The following UNC13A variants were observed in gnomAD, a reference collection of about 807,000 sequenced individuals.
UNC13A encodes protein unc-13 homolog A.
Under a neutral mutation model 219.7 loss-of-function variants are expected in UNC13A, and 61 were observed. The ratio of observed to expected loss-of-function variants is 0.28; its 90% CI spans 0.23 to 0.34. The LOEUF (loss-of-function observed/expected upper bound fraction) is 0.34. Ranked by LOEUF, UNC13A falls within the 10% of genes least tolerant of loss-of-function variation. UNC13A has a pLI of 1.00. For synonymous variants in UNC13A, 920 were observed against 884.6 expected (o/e 1.04, Z -0.71); for missense variants, 1,476 against 2,270.3 (o/e 0.65, Z 7.11).
chr19:17,642,404 A>G (rs762834100), intron 20 of UNC13A, among the ~76,000 whole-genome samples: 6 of 152,084 alleles, frequency 3.9e-5, no homozygotes, highest in Non-Finnish European at 8.8e-5. Flanking sequence ...CTATCCATCC[A>G]TGTACTCACC....
At chr19:17,626,353 C>T (rs1412646735) in intron 34 of UNC13A, 1 of 375,734 alleles carries the variant, frequency 2.7e-6, no homozygotes, top group Non-Finnish European at 4.9e-6. Context: ...TCCTTCTAAA[C>T]ATTTATCTTT....
intron 21 of UNC13A, among the ~76,000 whole-genome samples, 172 bp downstream of exon 21, chr19:17,641,221 C>G (rs1296575650): frequency 6.6e-6 from 1 of 152,022 alleles, no homozygotes; most frequent in East Asian, 1.9e-4. Context: ...CCATGTCACT[C>G]CAGGTGTCAA....
At position 17,656,393 on chromosome 19, in the gene UNC13A, G is replaced by A. The variant is rs1199825333; in HGVS notation, c.773C>T (p.Thr258Met). The change falls in exon 10 of 44, where the codon ACG becomes ATG. Residue 258 changes from threonine to methionine, a missense_variant. Around this residue, in one of 14 missense-constraint regions of UNC13A, gnomAD observed 351 missense variants for 342.6 expected, o/e 1.02. Transcript: ENST00000519716. Reference protein sequence around the residue: ...EFSEPQALSPTGSSRYASSGE... With the variant: ...EFSEPQALSPMGSSRYASSGE... ...GGAAGAGGCATAGCGGCTGCTACCC[G>A]TGGGGCTGTGGGGATGGAACAGGGT... 14 of 1,519,912 alleles carry A rather than the reference G, an allele frequency of 9.2e-6. No homozygotes were observed. The highest frequency in any genetic ancestry group is 6.0e-5 in the Admixed American group (3 of 49,630). 94.2% of individuals were successfully genotyped at this position (1,519,912 alleles called of 1,614,324 possible).
At position 17,642,828 on chromosome 19, in the gene UNC13A, C is replaced by G. The variant is rs368381522; in HGVS notation, c.2472+17G>C. On this transcript the variant is annotated intron_variant, in intron 20 of 43. Coordinates refer to ENST00000519716, the MANE Select transcript of UNC13A (RefSeq NM_001080421.3). ...TGAGTGGAAGTGGCATGGGAGGGGC[C>G]GAGCAATGACCCTCACCTCATGCAG... 5.0e-6 allele frequency: 8 copies of G among 1,589,116 alleles called. No individual in the cohort carries two copies. In the Admixed American group the frequency reaches 1.2e-4, roughly 25 times the overall value.
intron 15 of UNC13A, 131 bp from the exon 16 acceptor site, chr19:17,648,781 C>G: frequency 6.7e-7 from 1 of 1,486,134 alleles, no homozygotes; most frequent in Non-Finnish European, 9.2e-7. Context: ...TCGGAATCCA[C>G]GCTGCCTTCT....
chr19:17,636,190 G>A (rs1292062888), intron 25 of UNC13A, 33 bp from the exon 26 acceptor site: 1 of 1,553,592 alleles, frequency 6.4e-7, no homozygotes, highest in East Asian at 2.3e-5. Context: ...CGGTTATAGG[G>A]GGTCCAGAGG....
rs750542316 is a variant in UNC13A at position 17,630,329 on chromosome 19, A to AC, written c.3526-42dup. ...GGCCAAGAGGAAGGAGGAGATCAGC[A>AC]CCAGAGAATCCCTAGAGCCCAACTC... On this transcript the variant is annotated intron_variant, in intron 29 of 43. Transcript: ENST00000519716. 5.2e-6 allele frequency: 8 copies of AC among 1,552,000 alleles called. No individual in the cohort carries two copies. The Admixed American group carries it at 1.6e-4, about 30-fold the overall frequency.
At chr19:17,623,235 T>C (rs1198569699) in intron 36 of UNC13A, 3 of 395,744 alleles carry the variant, frequency 7.6e-6, no homozygotes, top group Non-Finnish European at 9.1e-6. Context: ...GGGAGCAAGG[T>C]TGGATTCTAC....
At chr19:17,666,209 T>TTC (rs1313263760) in intron 7 of UNC13A, among the ~76,000 whole-genome samples, 10 of 147,942 alleles carry the variant, frequency 6.8e-5, no homozygotes, top group Non-Finnish European at 1.4e-4. Context: ...TTCTTTCTCT[T>TTC]TCTTTCCTTC....
At chr19:17,654,333 T>C (rs1199001521) in intron 11 of UNC13A, among the ~76,000 whole-genome samples, 1 of 152,190 alleles carries the variant, frequency 6.6e-6, no homozygotes, top group Non-Finnish European at 1.5e-5. Flanking sequence ...CTAGTGGAAG[T>C]TATCCAACAG....
chr19:17,651,414 C>T (rs1047741255), intron 12 of UNC13A, among the ~76,000 whole-genome samples: 2 of 151,538 alleles, frequency 1.3e-5, no homozygotes, highest in East Asian at 1.9e-4. Context: ...TTAGTAGAGA[C>T]GGGATTTTGC....
In UNC13A at chr19:17,618,507, T is replaced by C. The variant is rs770501334; in HGVS notation, c.4330-6A>G. Reference sequence around the variant, plus strand: ...TCTTCTCGTACCATGTGATCCTGGATGGATGGGGAGAGGGGCCATGTGGGT... The same window carrying C: ...TCTTCTCGTACCATGTGATCCTGGACGGATGGGGAGAGGGGCCATGTGGGT... On this transcript the variant is annotated splice_region_variant and splice_polypyrimidine_tract_variant and intron_variant, in intron 39 of 43. Coordinates refer to ENST00000519716, the MANE Select transcript of UNC13A (RefSeq NM_001080421.3). 1 of 1,584,986 alleles carries C rather than the reference T, an allele frequency of 6.3e-7. No individual in the cohort carries two copies. The highest frequency in any genetic ancestry group is 1.3e-5 in the African/African-American group (1 of 74,376).
At chr19:17,663,494 A>T in intron 8 of UNC13A, 38 bp downstream of exon 8, 1 of 1,610,372 alleles carries the variant, frequency 6.2e-7, no homozygotes, top group Non-Finnish European at 8.5e-7. Flanking sequence ...CCACCTTCCC[A>T]TGTAACTCCC....
chr19:17,629,112 C>T (rs2076814994), intron 31 of UNC13A, 128 bp downstream of exon 31: 1 of 751,126 alleles, frequency 1.3e-6, no homozygotes, highest in Non-Finnish European at 2.2e-6. Context: ...AACACACAGA[C>T]AATCCAGTCA....
At chr19:17,684,125 G>T (rs1954522526) in intron 1 of UNC13A, among the ~76,000 whole-genome samples, 1 of 152,120 alleles carries the variant, frequency 6.6e-6, no homozygotes, top group Admixed American at 6.6e-5. Flanking sequence ...ACATCAAGTG[G>T]CCTGTGCAAA....
rs951295782 is a variant in UNC13A at position 17,674,210 on chromosome 19, A to G, written c.152+447T>C. Reference sequence around the variant, plus strand: ...GCAAGAACAAGCTGGGAAGTGTTGGAGAAAGGGGCAGAGGTGGGTGTGGCT... The same window carrying G: ...GCAAGAACAAGCTGGGAAGTGTTGGGGAAAGGGGCAGAGGTGGGTGTGGCT... On this transcript the variant is annotated intron_variant, in intron 3 of 43. Transcript: ENST00000519716. The surrounding 1 kb of genome is among the most constrained non-coding windows in gnomAD (Gnocchi z 5.0). 6.6e-6 allele frequency among the ~76,000 whole-genome samples: 1 copy of G among 152,134 alleles called. No homozygotes were observed. Among genetic ancestry groups the G allele is most frequent in the Admixed American group, 6.6e-5 (1 of 15,256 alleles).
At chr19:17,670,756 T>C (rs143264896) in intron 4 of UNC13A, among the ~76,000 whole-genome samples, 95 of 151,678 alleles carry the variant, frequency 6.3e-4, no homozygotes, top group Admixed American at 2.2e-3. Flanking sequence ...ATGCAAAAAT[T>C]AGTTGGGTGT....
intron 39 of UNC13A, 28 bp downstream of exon 39, chr19:17,618,867 GGGCAGTCCCTC>G: frequency 6.2e-7 from 1 of 1,610,012 alleles, no homozygotes; most frequent in Non-Finnish European, 8.5e-7. Context: ...TGAGTTTGGG[GGGCAGTCCCTC>G]ACGCCATAAT....
At chr19:17,671,543 G>T (rs989762904) in intron 4 of UNC13A, among the ~76,000 whole-genome samples, 1 of 152,100 alleles carries the variant, frequency 6.6e-6, no homozygotes, top group Non-Finnish European at 1.5e-5. Context: ...GGCTGAGGTG[G>T]GTGGATTGCT....
Sources: allele counts gnomAD v4.1 joint callset (sites outside exome capture counted in the v4.1 genomes callset), GRCh38; gene constraint gnomAD v4.1.1; regional missense constraint gnomAD v4.1.1; non-coding constraint Gnocchi (gnomAD v3.1); transcripts MANE v1.5; gene names NCBI Gene and HGNC (gene_info 2026-07-23, HGNC 2026-07-21).